NAA35: variants seen among roughly 807,000 people sequenced by gnomAD.
NAA35 encodes MAK10 homolog, amino-acid N-acetyltransferase subunit.
In NAA35, 18 loss-of-function variants were observed where a neutral mutation model predicts 101.7. The ratio of observed to expected loss-of-function variants is 0.18; its 90% CI spans 0.12 to 0.26. The LOEUF is 0.26. NAA35 is among the 10% of genes least tolerant of loss of function. The pLI, the probability that NAA35 is intolerant of heterozygous loss-of-function variation, is 1.00. For synonymous variants in NAA35, 267 were observed against 273.1 expected, an observed-to-expected ratio of 0.98 and a Z score of 0.22; for missense variants, 601 against 886.8, an observed-to-expected ratio of 0.68 and a Z score of 4.09.
intron 14 of NAA35, among the ~76,000 whole-genome samples, chr9:86,008,031 G>T (rs941431834): frequency 1.3e-5 from 2 of 152,100 alleles, no homozygotes; most frequent in Non-Finnish European, 2.9e-5. Context: ...TATCCAAAAT[G>T]CCCTGGACCA....
intron 11 of NAA35, among the ~76,000 whole-genome samples, chr9:85,991,237 C>T (rs1465254542): frequency 6.6e-6 from 1 of 151,918 alleles, no homozygotes; most frequent in African/African-American, 2.4e-5. Flanking sequence ...TGTGGGAGTC[C>T]AGGCAGGGTA....
chr9:85,954,239 C>T lies in NAA35; in HGVS notation c.125-2121C>T, dbSNP rs184059367. 2.6e-5 allele frequency among the ~76,000 whole-genome samples: 4 copies of T among 152,270 alleles called. No individual in the cohort carries two copies. In the East Asian group the frequency reaches 7.7e-4, roughly 29 times the overall value. ...AGGACTACAGGTGTGCACCACCATGCCTGGCTAATTTTAGAAGATATTTTA... is the reference window on the plus strand; with the variant it reads ...AGGACTACAGGTGTGCACCACCATGTCTGGCTAATTTTAGAAGATATTTTA... On this transcript the variant is annotated intron_variant, in intron 2 of 22. Transcript: ENST00000361671.
chr9:86,009,962 G>A (rs759246704), intron 15 of NAA35, 31 bp downstream of exon 15: 9 of 1,572,384 alleles, frequency 5.7e-6, no homozygotes, highest in Admixed American at 1.7e-5. Context: ...TGTCATAATG[G>A]GTACTTTAAA....
chr9:85,969,270 C>CAAA (rs61275261), intron 6 of NAA35, among the ~76,000 whole-genome samples: 2 of 105,634 alleles, frequency 1.9e-5, no homozygotes, highest in Non-Finnish European at 4.3e-5. Flanking sequence ...CCTGGTATGT[C>CAAA]AAAAAAAAAA....
At chr9:85,989,213 C>T (rs990300936) in intron 11 of NAA35, among the ~76,000 whole-genome samples, 5 of 152,162 alleles carry the variant, frequency 3.3e-5, no homozygotes, top group Non-Finnish European at 7.4e-5. Context: ...TGGCTCACGC[C>T]TGTAATCCCA....
At position 85,956,412 on chromosome 9, in the gene NAA35, A is replaced by G; in HGVS notation, c.158+19A>G. Reference sequence around the variant, plus strand: ...ATAAGCTGTAAGTATTTATCCTTTGAAAATAGTGTAGTGTAATGTTTCAGT... The same window carrying G: ...ATAAGCTGTAAGTATTTATCCTTTGGAAATAGTGTAGTGTAATGTTTCAGT... On this transcript the variant is annotated intron_variant, in intron 3 of 22. Transcript: ENST00000361671. 2 of 1,363,260 alleles carry G rather than the reference A, an allele frequency of 1.5e-6. No homozygotes were observed. Among genetic ancestry groups the G allele is most frequent in the Non-Finnish European group, 2.0e-6 (2 of 1,006,486 alleles). 84.4% of individuals were successfully genotyped at this position (1,363,260 alleles called of 1,614,324 possible). A position where few individuals can be genotyped will look rare whatever the true frequency, so the allele number is the denominator to read the frequency against.
At chr9:86,005,841 C>T (rs1305267196) in intron 13 of NAA35, among the ~76,000 whole-genome samples, 3 of 151,624 alleles carry the variant, frequency 2.0e-5, no homozygotes, top group Non-Finnish European at 4.4e-5. Context: ...CAAATTAAAT[C>T]ACAGAAATAC....
In NAA35 at chr9:86,013,867, A is replaced by G. The variant is rs1240077060; in HGVS notation, c.1538A>G (p.Tyr513Cys). ...YLLSGFELEL[Y>C]SMHEYYYIYW... ...CTAAGTGGCTTTGAATTGGAACTCT[A>G]CAGTATGCACGAGTACTATTACATA... Residue 513 changes from tyrosine to cysteine, a missense_variant, in exon 17 of 23, where the codon TAC becomes TGC. By Grantham distance (194) the Tyr-to-Cys change is radical (BLOSUM62 -2). This residue lies in a region of NAA35 where 99 missense variants were observed against 206.7 expected (regional missense o/e 0.48). Coordinates refer to ENST00000361671, the MANE Select transcript of NAA35 (RefSeq NM_024635.4). The G allele has an allele frequency of 1.2e-6, 2 of 1,613,790 alleles. No individual in the cohort carries two copies. Among genetic ancestry groups the G allele is most frequent in the African/African-American group, 1.3e-5 (1 of 74,930 alleles).
At position 85,958,563 on chromosome 9, in the gene NAA35, C is replaced by G. The variant is rs186312968; in HGVS notation, c.250C>G (p.Leu84Val). The change falls in exon 4 of 23, where the codon CTC (leucine) becomes GTC (valine). Residue 84 changes from leucine to valine, a missense_variant. This residue lies in a region of NAA35 where 42 missense variants were observed against 41.2 expected (regional missense o/e 1.02). Coordinates refer to ENST00000361671, the MANE Select transcript of NAA35 (RefSeq NM_024635.4). Reference protein sequence around the residue: ...MIGNQVNRKVLNFEQAIKDGT... With the variant: ...MIGNQVNRKVVNFEQAIKDGT... ...TGGAAACCAAGTTAATCGAAAAGTT[C>G]TCAATTTTGAACAAGCTATCAAGGT... The G allele has an allele frequency of 1.9e-6, 3 of 1,610,608 alleles. No individual in the cohort carries two copies. Among genetic ancestry groups the G allele is most frequent in the Non-Finnish European group, 2.5e-6 (3 of 1,178,016 alleles).
Position 85,942,173 on chromosome 9 carries a change from C to G in NAA35, c.14C>G (p.Ala5Gly). The change falls in exon 2 of 23, where the codon GCT becomes GGT. Residue 5 changes from alanine to glycine, a missense_variant. Physicochemically the swap from Ala to Gly is moderately conservative, Grantham distance 60. This residue lies in a region of NAA35 where 67 missense variants were observed against 62.4 expected (regional missense o/e 1.07). Coordinates refer to ENST00000361671, the MANE Select transcript of NAA35 (RefSeq NM_024635.4). The stretch of plus-strand genomic sequence containing the variant: ...TTTACAGGCATAATGGTTATGAAAG[C>G]TTCTGTAGATGATGACGATTCAGGA... MVMK[A>G]SVDDDDSGWE... is the part of the protein sequence containing the mutation. The G allele has an allele frequency of 6.2e-7, 1 of 1,614,066 alleles. No individual in the cohort carries two copies. The highest frequency in any genetic ancestry group is 8.5e-7 in the Non-Finnish European group (1 of 1,179,982).
In NAA35 at chr9:85,966,709, T is replaced by C. The variant is rs1394745246; in HGVS notation, c.516+4529T>C. 1.1e-5 allele frequency: 11 copies of C among 1,025,826 alleles called. No homozygotes were observed. In the Admixed American group the frequency reaches 2.9e-4, roughly 27 times the overall value. The allele number at this position is 1,025,826 out of a possible 1,614,324, so 63.5% of individuals were successfully genotyped here. On this transcript the variant is annotated intron_variant, in intron 6 of 22. Transcript: ENST00000361671. Reference sequence around the variant, plus strand: ...CACTTCTGTTTTTACTAGTATACATTAGCACAGCTGTCTTGGCAAACAGTT... The same window carrying C: ...CACTTCTGTTTTTACTAGTATACATCAGCACAGCTGTCTTGGCAAACAGTT...
chr9:86,007,919 A>G (rs1363248754), intron 14 of NAA35, among the ~76,000 whole-genome samples: 1 of 152,186 alleles, frequency 6.6e-6, no homozygotes. Context: ...TTTTCCACTG[A>G]AAGATACACG....
intron 1 of NAA35, 181 bp downstream of exon 1, chr9:85,941,454 C>G (rs930580705): frequency 3.0e-6 from 3 of 985,456 alleles, no homozygotes; most frequent in African/African-American, 3.5e-5. Context: ...AGGCCCCACT[C>G]TTGCCCGGTG....
chr9:85,995,989 T>G (rs1235719346), intron 11 of NAA35, among the ~76,000 whole-genome samples: 4 of 152,184 alleles, frequency 2.6e-5, no homozygotes, highest in Non-Finnish European at 5.9e-5. Context: ...TTCTACTGTT[T>G]AGTAATTGAG....
At chr9:86,015,556 G>GTC (rs1190098566) in intron 17 of NAA35, 2 of 216,142 alleles carry the variant, frequency 9.3e-6, no homozygotes. Flanking sequence ...GACCTGTTAG[G>GTC]TCTAGGGTGA....
At position 85,993,439 on chromosome 9, in the gene NAA35, G is replaced by A. The variant is rs191340401; in HGVS notation, c.878-2960G>A. ...CCACCTTGGCCTCCCAAAGTGCTGC[G>A]ATTACAGGTGTGAGCCACCATGTCC... is the stretch of plus-strand genomic sequence containing the variant. On this transcript the variant is annotated intron_variant, in intron 11 of 22. Transcript: ENST00000361671. 1.6e-3 allele frequency among the ~76,000 whole-genome samples: 247 copies of A among 152,294 alleles called. 1 individual carries two copies. The highest frequency in any genetic ancestry group is 3.8e-3 in the African/African-American group (156 of 41,558).
At chr9:85,943,974 A>G (rs1024959319) in intron 2 of NAA35, among the ~76,000 whole-genome samples, 2 of 152,194 alleles carry the variant, frequency 1.3e-5, no homozygotes, top group African/African-American at 4.8e-5. Flanking sequence ...GAGCGTCTTT[A>G]GTGCCATTGA....
intron 11 of NAA35, among the ~76,000 whole-genome samples, chr9:85,987,306 G>A (rs934443488): frequency 1.3e-5 from 2 of 152,214 alleles, no homozygotes; most frequent in Non-Finnish European, 2.9e-5. Flanking sequence ...ATTAAAATAT[G>A]TAGAATATGA....
intron 15 of NAA35, among the ~76,000 whole-genome samples, chr9:86,010,377 TG>T (rs1271013162): frequency 6.6e-6 from 1 of 151,814 alleles, no homozygotes; most frequent in African/African-American, 2.4e-5. Context: ...AACACTTGAG[TG>T]GATGGTTTTA....
Sources: allele counts gnomAD v4.1 joint callset (sites outside exome capture counted in the v4.1 genomes callset), GRCh38; gene constraint gnomAD v4.1.1; regional missense constraint gnomAD v4.1.1; transcripts MANE v1.5; gene names NCBI Gene and HGNC (gene_info 2026-07-23, HGNC 2026-07-21).